The following KATNBL1 variants were observed in gnomAD, a reference collection of about 807,000 sequenced individuals.
KATNBL1 encodes the protein katanin regulatory subunit B1 like 1, also known as KATNB1-like protein 1.
A neutral mutation model predicts 44.7 loss-of-function variants in KATNBL1; 28 were observed. The ratio of observed to expected loss-of-function variants is 0.63; its 90% CI spans 0.46 to 0.86. KATNBL1 has a LOEUF of 0.86. Ranked by LOEUF, KATNBL1 falls within the 40% of genes least tolerant of loss-of-function variation. The pLI is 0.00. For synonymous variants in KATNBL1, 78 were observed against 114.9 expected (o/e 0.68, Z 2.06); for missense variants, 272 against 350.7 (o/e 0.78, Z 1.79).
intron 4 of KATNBL1, 121 bp from the exon 5 acceptor site, chr15:34,148,871 G>T: frequency 1.7e-6 from 1 of 592,984 alleles, no homozygotes. Flanking sequence ...CCTTTTACTA[G>T]CCCACAAAAA....
chr15:34,173,392 T>C (rs564906421), intron 1 of KATNBL1, among the ~76,000 whole-genome samples: 2 of 152,162 alleles, frequency 1.3e-5, no homozygotes, highest in African/African-American at 2.4e-5. Flanking sequence ...AACTTGGTCA[T>C]GTAAAAATGA....
At chr15:34,151,436 C>CTTTTTTTTT (rs58824450) in intron 4 of KATNBL1, among the ~76,000 whole-genome samples, 2 of 60,706 alleles carry the variant, frequency 3.3e-5, no homozygotes, top group Non-Finnish European at 5.9e-5. Flanking sequence ...CCTTTGCCTA[C>CTTTTTTTTT]TTTTTTTTTT....
At chr15:34,165,650 G>C (rs1888944135) in intron 1 of KATNBL1, among the ~76,000 whole-genome samples, 1 of 152,048 alleles carries the variant, frequency 6.6e-6, no homozygotes, top group African/African-American at 2.4e-5. Context: ...ACAAACATTA[G>C]CAGGGCGTGG....
At chr15:34,169,123 C>G (rs1405315597) in intron 1 of KATNBL1, among the ~76,000 whole-genome samples, 1 of 151,994 alleles carries the variant, frequency 6.6e-6, no homozygotes, top group African/African-American at 2.4e-5. Flanking sequence ...ACACAAAAAC[C>G]CTTCAAAAAA....
intron 1 of KATNBL1, among the ~76,000 whole-genome samples, chr15:34,194,162 G>C (rs999503658): frequency 6.6e-6 from 1 of 152,076 alleles, no homozygotes; most frequent in African/African-American, 2.4e-5. Flanking sequence ...GGCTGGTCTC[G>C]AACTCCTGTC....
chr15:34,200,345 C>T (rs186162060), intron 1 of KATNBL1, among the ~76,000 whole-genome samples: 48 of 152,140 alleles, frequency 3.2e-4, no homozygotes, highest in Admixed American at 1.8e-3. Context: ...CTTCGCCTCC[C>T]GCATTCAAGA....
intron 5 of KATNBL1, among the ~76,000 whole-genome samples, chr15:34,147,684 A>G (rs898476822): frequency 3.3e-5 from 5 of 152,150 alleles, no homozygotes; most frequent in African/African-American, 9.7e-5. Context: ...CATATAGAGC[A>G]GGTTGATATA....
intron 1 of KATNBL1, among the ~76,000 whole-genome samples, chr15:34,206,345 C>T (rs1442528236): frequency 5.3e-5 from 8 of 152,154 alleles, no homozygotes; most frequent in African/African-American, 1.4e-4. Flanking sequence ...TTTCAAAATA[C>T]CTTTTCTCTC....
At chr15:34,190,624 AAAG>A (rs2140984419) in intron 1 of KATNBL1, among the ~76,000 whole-genome samples, 1 of 152,224 alleles carries the variant, frequency 6.6e-6, no homozygotes, top group East Asian at 1.9e-4. Context: ...AAAAACAGTT[AAAG>A]AAGGTAATGG....
intron 1 of KATNBL1, among the ~76,000 whole-genome samples, chr15:34,178,292 G>T (rs939034555): frequency 6.6e-6 from 1 of 152,182 alleles, no homozygotes; most frequent in Admixed American, 6.5e-5. Flanking sequence ...GTGGACAGGT[G>T]AACATAAGCT....
At chr15:34,149,509 C>A (rs889821707) in intron 4 of KATNBL1, among the ~76,000 whole-genome samples, 1 of 151,976 alleles carries the variant, frequency 6.6e-6, no homozygotes, top group African/African-American at 2.4e-5. Context: ...CTGCAACCTC[C>A]GCCTCCCAAG....
At chr15:34,154,199 T>C (rs1009039665) in intron 3 of KATNBL1, among the ~76,000 whole-genome samples, 1 of 152,206 alleles carries the variant, frequency 6.6e-6, no homozygotes, top group African/African-American at 2.4e-5. Flanking sequence ...AGACAGTCAA[T>C]GTCTTAGTAT....
Position 34,174,326 on chromosome 15 carries a change from T to C in KATNBL1, c.-14-10636A>G, listed in dbSNP as rs150131891. ...TCAAGAATTATACTCAAAAACACTA[T>C]AGGGAAATCAAAATGGAATGAGAAA... On this transcript the variant is annotated intron_variant, in intron 1 of 9. Coordinates refer to ENST00000256544, the MANE Select transcript of KATNBL1 (RefSeq NM_024713.3). Among the ~76,000 whole-genome samples, 57 of 152,090 alleles carry C rather than the reference T, an allele frequency of 3.7e-4. No homozygotes were observed. The East Asian group carries it at 0.01, about 28-fold the overall frequency.
rs78643251 is a variant in KATNBL1 at position 34,202,115 on chromosome 15, C to T, written c.-15+7836G>A. ...ATAATGAGGGATGAATGTATACATACATAAAACATTGTCACTTTAAGGATC... is the reference window on the plus strand; with the variant it reads ...ATAATGAGGGATGAATGTATACATATATAAAACATTGTCACTTTAAGGATC... On this transcript the variant is annotated intron_variant, in intron 1 of 9. Coordinates refer to ENST00000256544, the MANE Select transcript of KATNBL1 (RefSeq NM_024713.3). Among the ~76,000 whole-genome samples the T allele has an allele frequency of 6.6e-3, 1,002 of 152,272 alleles. 11 individuals are homozygous for T. The highest frequency in any genetic ancestry group is 0.023 in the African/African-American group (961 of 41,554).
intron 2 of KATNBL1, among the ~76,000 whole-genome samples, chr15:34,156,823 G>A (rs1253347952): frequency 1.3e-5 from 2 of 152,232 alleles, no homozygotes; most frequent in East Asian, 3.9e-4. Context: ...TGATTTAGCT[G>A]ACAGTTAGGG....
At chr15:34,145,881 T>C (rs1888293618) in intron 8 of KATNBL1, 1 of 152,176 alleles carries the variant, frequency 6.6e-6, no homozygotes, top group Non-Finnish European at 1.5e-5. Context: ...GACCAGGCGT[T>C]TGGAACATTT....
chr15:34,188,744 G>C (rs1197759131), intron 1 of KATNBL1, among the ~76,000 whole-genome samples: 2 of 152,178 alleles, frequency 1.3e-5, no homozygotes, highest in Non-Finnish European at 2.9e-5. Flanking sequence ...GTTAGTCCTG[G>C]AAGTTTTCTC....
Position 34,163,653 on chromosome 15 carries a change from A to C in KATNBL1, c.24T>G (p.Val8=). 6.3e-7 allele frequency: 1 copy of C among 1,591,588 alleles called. No individual in the cohort carries two copies. The highest frequency in any genetic ancestry group is 8.5e-7 in the Non-Finnish European group (1 of 1,171,580). Residue 8 remains valine (V), a synonymous_variant, in exon 2 of 10, where the codon GTT becomes GTG. Coordinates refer to ENST00000256544, the MANE Select transcript of KATNBL1 (RefSeq NM_024713.3). MASETHN[V]KKRNFCNKIE... is the part of the protein sequence containing the mutation. ...TCTTATTACAAAAGTTCCGTTTTTT[A>C]ACATTGTGGGTTTCTGATGCCATAA...
chr15:34,150,503 A>G (rs977390583), intron 4 of KATNBL1, among the ~76,000 whole-genome samples: 1 of 152,154 alleles, frequency 6.6e-6, no homozygotes, highest in African/African-American at 2.4e-5. Context: ...CTGAGGTGGG[A>G]GGATTGCTTG....
Sources: gnomAD v4.1 joint callset for allele counts (sites outside exome capture counted in the v4.1 genomes callset) on GRCh38, gnomAD v4.1.1 for gene constraint, MANE v1.5 for transcripts, NCBI Gene and HGNC (gene_info 2026-07-23, HGNC 2026-07-21) for gene names.